CCDC33: variants seen among roughly 807,000 people sequenced by gnomAD.
CCDC33 encodes the protein coiled-coil domain-containing protein 33.
A neutral mutation model predicts 91.9 loss-of-function variants in CCDC33; 94 were observed. The ratio of observed to expected loss-of-function variants is 1.02; its 90% confidence interval spans 0.87 to 1.21. The LOEUF is 1.21. CCDC33 is among the 50% of genes most tolerant of loss of function. CCDC33 has a pLI of 0.00. For synonymous variants in CCDC33, 396 were observed against 374.5 expected, an observed-to-expected ratio of 1.06 and a Z score of -0.66; for missense variants, 940 against 935.5, an observed-to-expected ratio of 1.00 and a Z score of -0.06.
chr15:74,289,950 G>A (rs563407670), intron 10 of CCDC33, among the ~76,000 whole-genome samples: 1 of 152,288 alleles, frequency 6.6e-6, no homozygotes, highest in South Asian at 2.1e-4. Flanking sequence ...CTCTCCCTGT[G>A]AGCCCAGTGC....
At chr15:74,228,313 C>T (rs1000497449) in intron 2 of CCDC33, among the ~76,000 whole-genome samples, 1 of 152,212 alleles carries the variant, frequency 6.6e-6, no homozygotes, top group Non-Finnish European at 1.5e-5. Context: ...CACCTCTCTG[C>T]ACCTCCTTTC....
chr15:74,281,195 T>C (rs1231435699), intron 9 of CCDC33, among the ~76,000 whole-genome samples: 3 of 152,226 alleles, frequency 2.0e-5, no homozygotes, highest in East Asian at 1.9e-4. Context: ...AGGAGAAGCA[T>C]GCCAAGTACA....
intron 7 of CCDC33, among the ~76,000 whole-genome samples, chr15:74,276,865 T>C (rs1409683609): frequency 1.3e-5 from 2 of 152,342 alleles, no homozygotes; most frequent in East Asian, 3.9e-4. Flanking sequence ...CCCTGAGGAA[T>C]GGGGTCAGAA....
At chr15:74,211,517 C>T (rs933073314) in intron 2 of CCDC33, among the ~76,000 whole-genome samples, 6 of 150,494 alleles carry the variant, frequency 4.0e-5, no homozygotes, top group Admixed American at 2.0e-4. Context: ...TCTCCTGCTT[C>T]GGCCTCCCGA....
Position 74,272,872 on chromosome 15 carries a change from G to C in CCDC33, c.740G>C (p.Ser247Thr). ...SMMNFDVPRV[S>T]QNGCPQLSKP... ...ATGAACTTTGACGTGCCTCGCGTCAGCCAGAACGGATGCCCTCAGGTATGT... is the reference window on the plus strand; with the variant it reads ...ATGAACTTTGACGTGCCTCGCGTCACCCAGAACGGATGCCCTCAGGTATGT... The change falls in exon 7 of 19, where the codon AGC (serine) becomes ACC (threonine). Residue 247 changes from serine to threonine, a missense_variant. Ser to Thr is a moderately conservative substitution (Grantham distance 58). Coordinates refer to ENST00000398814, the MANE Select transcript of CCDC33 (RefSeq NM_025055.5). The C allele has an allele frequency of 6.2e-7, 1 of 1,614,224 alleles. No individual in the cohort carries two copies. The highest frequency in any genetic ancestry group is 1.7e-5 in the Admixed American group (1 of 60,030).
At chr15:74,297,194 G>A (rs572957085) in intron 11 of CCDC33, among the ~76,000 whole-genome samples, 2 of 152,352 alleles carry the variant, frequency 1.3e-5, no homozygotes, top group African/African-American at 4.8e-5. Flanking sequence ...GCACTTATGG[G>A]CCATCTTTAC....
Position 74,280,092 on chromosome 15 carries a change from A to G in CCDC33, c.889A>G (p.Met297Val), listed in dbSNP as rs2076552677. Residue 297 changes from methionine (M) to valine (V), a missense_variant and splice_region_variant, in exon 8 of 19, where the codon ATG becomes GTG. Coordinates refer to ENST00000398814, the MANE Select transcript of CCDC33 (RefSeq NM_025055.5). Reference protein sequence around the residue: ...LVLEYYSSTSMKGSQPWTLNQ... With the variant: ...LVLEYYSSTSVKGSQPWTLNQ... ...GCTGGAGTACTACTCCTCAACTTCAAGTACGTGACCCCTGGTGCCTCGCCA... is the reference window on the plus strand; with the variant it reads ...GCTGGAGTACTACTCCTCAACTTCAGGTACGTGACCCCTGGTGCCTCGCCA... 1 of 1,613,966 alleles carries G rather than the reference A, an allele frequency of 6.2e-7. No individual in the cohort carries two copies. Among genetic ancestry groups the G allele is most frequent in the Non-Finnish European group, 8.5e-7 (1 of 1,179,902 alleles).
chr15:74,255,399 A>G (rs1595954524), intron 2 of CCDC33, among the ~76,000 whole-genome samples: 2 of 152,312 alleles, frequency 1.3e-5, no homozygotes, highest in Non-Finnish European at 2.9e-5. Flanking sequence ...TGGCCTGGGA[A>G]TGCTCAGGAG....
At chr15:74,289,057 A>G (rs2059534303) in intron 10 of CCDC33, among the ~76,000 whole-genome samples, 1 of 152,196 alleles carries the variant, frequency 6.6e-6, no homozygotes, top group South Asian at 2.1e-4. Context: ...GGATGAGGAC[A>G]GGGCTCCTGG....
intron 2 of CCDC33, among the ~76,000 whole-genome samples, chr15:74,247,132 G>A (rs1028306374): frequency 4.7e-5 from 7 of 150,316 alleles, no homozygotes; most frequent in Admixed American, 2.0e-4. Flanking sequence ...GCAACAGAGC[G>A]AGACTCCCAT....
chr15:74,309,364 C>G (rs2059949268), intron 11 of CCDC33, among the ~76,000 whole-genome samples: 1 of 152,216 alleles, frequency 6.6e-6, no homozygotes, highest in Non-Finnish European at 1.5e-5. Context: ...GCCTGGCGTG[C>G]AGTGGGTGCT....
chr15:74,311,160 C>CT (rs2059986812), intron 11 of CCDC33, among the ~76,000 whole-genome samples: 1 of 152,130 alleles, frequency 6.6e-6, no homozygotes, highest in Non-Finnish European at 1.5e-5. Flanking sequence ...GTCCCTTCCC[C>CT]TACCCATGGT....
At chr15:74,268,250 G>A in intron 4 of CCDC33, 92 bp from the exon 5 acceptor site, 1 of 897,730 alleles carries the variant, frequency 1.1e-6, no homozygotes, top group Non-Finnish European at 1.9e-6. Flanking sequence ...GCAATGCCAA[G>A]TGATTGTCTG....
chr15:74,332,655 C>T lies in CCDC33; in HGVS notation c.1772-24C>T, dbSNP rs765031220. The T allele has an allele frequency of 1.9e-6, 3 of 1,610,550 alleles. No individual in the cohort carries two copies. In the South Asian group the frequency reaches 3.3e-5, roughly 18 times the overall value. On this transcript the variant is annotated intron_variant, in intron 15 of 18. Transcript: ENST00000398814. ...TGGGAAGCAGGAGAGCCCATCTCAC[C>T]AACATCTGTGGCCGTGTCTCTAGGC... is the stretch of plus-strand genomic sequence containing the variant.
intron 1 of CCDC33, among the ~76,000 whole-genome samples, chr15:74,237,493 T>C (rs550541430): frequency 6.6e-6 from 1 of 152,332 alleles, no homozygotes; most frequent in East Asian, 1.9e-4. Flanking sequence ...ATACCCTCTT[T>C]GTAGTTACAC....
At chr15:74,203,216 G>A (rs77598425) in intron 1 of CCDC33, 1 of 482,768 alleles carries the variant, frequency 2.1e-6, no homozygotes, top group Non-Finnish European at 2.6e-6. Flanking sequence ...AACCCTTTTT[G>A]TTCCTACAAG....
chr15:74,272,649 A>C (rs367708328), intron 6 of CCDC33, 122 bp from the exon 7 acceptor site: 1 of 1,347,166 alleles, frequency 7.4e-7, no homozygotes, highest in Non-Finnish European at 1.0e-6. Flanking sequence ...CCAGGCCCGA[A>C]CTCGGCGGGA....
rs534881409 is a variant in CCDC33, at chr15:74,228,357, G to A, written c.675+9496G>A. ...TAAAATGAGGATGATAACAACACTC[G>A]CCAGCAGGACTGTTGAATTCAATGT... On this transcript the variant is annotated intron_variant, in intron 2 of 2. Transcript: ENST00000635913. 1.2e-4 allele frequency among the ~76,000 whole-genome samples: 18 copies of A among 152,306 alleles called. No individual in the cohort carries two copies. In the South Asian group the frequency reaches 3.1e-3, roughly 26 times the overall value.
chr15:74,283,194 C>A (rs1161825647), intron 10 of CCDC33, among the ~76,000 whole-genome samples: 1 of 152,168 alleles, frequency 6.6e-6, no homozygotes, highest in Non-Finnish European at 1.5e-5. Context: ...GCAACAAACC[C>A]CAAGAAAGAG....
Sources: gnomAD v4.1 joint callset for allele counts (sites outside exome capture counted in the v4.1 genomes callset) on GRCh38, gnomAD v4.1.1 for gene constraint, MANE v1.5 for transcripts, NCBI Gene and HGNC (gene_info 2026-07-23, HGNC 2026-07-21) for gene names.